The following CTNNA3 variants were observed in gnomAD, a reference collection of about 807,000 sequenced individuals.
CTNNA3 encodes catenin alpha 3.
CTNNA3 carries 76 observed loss-of-function variants against 95.7 expected under a neutral mutation model. The ratio of observed to expected loss-of-function variants is 0.79; its 90% CI spans 0.66 to 0.96. The LOEUF (loss-of-function observed/expected upper bound fraction) is 0.96. CTNNA3 is among the 40% of genes least tolerant of loss of function. The pLI, the probability that CTNNA3 is intolerant of heterozygous loss-of-function variation, is 0.00. For missense variants in CTNNA3, 1,191 were observed against 1,089.8 expected, an observed-to-expected ratio of 1.09 and a Z score of -1.31; for synonymous variants, 431 against 374.4, an observed-to-expected ratio of 1.15 and a Z score of -1.74.
At chr10:67,710,493 G>A (rs778702080) in intron 1 of CTNNA3, among the ~76,000 whole-genome samples, 4 of 152,256 alleles carry the variant, frequency 2.6e-5, no homozygotes, top group Non-Finnish European at 2.9e-5. Context: ...AGGGGAGAAC[G>A]TCCCTTTTCT....
At chr10:66,212,973 G>A (rs1307302027) in intron 13 of CTNNA3, among the ~76,000 whole-genome samples, 1 of 152,148 alleles carries the variant, frequency 6.6e-6, no homozygotes, top group African/African-American at 2.4e-5. Context: ...CCAAGATCAT[G>A]CCACTGCACT....
At chr10:67,452,369 A>G (rs1442385242) in intron 5 of CTNNA3, among the ~76,000 whole-genome samples, 3 of 152,182 alleles carry the variant, frequency 2.0e-5, no homozygotes, top group African/African-American at 7.2e-5. Flanking sequence ...ATATTTAAAA[A>G]GTTTGTATAT....
intron 13 of CTNNA3, among the ~76,000 whole-genome samples, chr10:66,253,427 A>G (rs2090636740): frequency 6.6e-6 from 1 of 151,988 alleles, no homozygotes; most frequent in Non-Finnish European, 1.5e-5. Context: ...ATTTTACTAT[A>G]CCACAAGCTT....
At chr10:66,356,900 G>T (rs572678893) in intron 12 of CTNNA3, among the ~76,000 whole-genome samples, 9 of 151,946 alleles carry the variant, frequency 5.9e-5, no homozygotes, top group South Asian at 2.1e-4. Context: ...TGTTAATATG[G>T]TGGGTTGCAA....
At chr10:67,579,732 T>C (rs1440429129) in intron 3 of CTNNA3, among the ~76,000 whole-genome samples, 5 of 152,162 alleles carry the variant, frequency 3.3e-5, no homozygotes, top group Non-Finnish European at 5.9e-5. Flanking sequence ...CCTGACTTTT[T>C]AATGATCACC....
intron 9 of CTNNA3, among the ~76,000 whole-genome samples, chr10:66,765,113 T>C (rs4483480): frequency 0.52 from 78,745 of 151,986 alleles, 21,465 homozygotes; most frequent in East Asian, 0.72. Flanking sequence ...AGCAATCATG[T>C]ATTCATCCAC....
In CTNNA3 at chr10:67,082,641, C is replaced by T. The variant is rs370867252; in HGVS notation, c.1047+97676G>A. ...TGGCCCGCAGGAGAAAAAAGGAAAC[C>T]GTGCAGGAATTAGATAGGAATATGT... On this transcript the variant is annotated intron_variant, in intron 7 of 17. Coordinates refer to ENST00000433211, the MANE Select transcript of CTNNA3 (RefSeq NM_013266.4). 7.8e-4 allele frequency among the ~76,000 whole-genome samples: 119 copies of T among 152,222 alleles called. 1 individual carries two copies. Among genetic ancestry groups the T allele is most frequent in the Admixed American group, 3.3e-3 (50 of 15,296 alleles).
intron 3 of CTNNA3, among the ~76,000 whole-genome samples, chr10:67,550,703 A>AT (rs1840998300): frequency 6.7e-6 from 1 of 149,466 alleles, no homozygotes; most frequent in South Asian, 2.1e-4. Flanking sequence ...CTTTATTCAT[A>AT]GAATAAAGAA....
chr10:65,920,613 T>A lies in CTNNA3; in HGVS notation c.2405A>T (p.Asp802Val). Residue 802 changes from aspartate (D) to valine (V), a missense_variant, in exon 18 of 18, where the codon GAC (aspartate) becomes GTC (valine). Physicochemically the swap from Asp to Val is radical, Grantham distance 152. Transcript: ENST00000433211. ...LGGELIMSALDSVTSLIQAAK... is the reference protein window; with the variant it reads ...LGGELIMSALVSVTSLIQAAK... ...TGCTTGGATCAGGGATGTGACACTG[T>A]CCAACTGTAGGGAAAAAAGAGAAAA... is the stretch of plus-strand genomic sequence containing the variant. 1 of 1,607,356 alleles carries A rather than the reference T, an allele frequency of 6.2e-7. No individual in the cohort carries two copies. The highest frequency in any genetic ancestry group is 8.5e-7 in the Non-Finnish European group (1 of 1,175,198).
intron 5 of CTNNA3, among the ~76,000 whole-genome samples, chr10:67,351,206 G>T (rs1842625743): frequency 3.3e-5 from 5 of 151,740 alleles, no homozygotes; most frequent in Non-Finnish European, 7.4e-5. Context: ...AAAGGTATGG[G>T]GAAGATTTGA....
chr10:66,631,064 A>G (rs1845117913), intron 9 of CTNNA3, among the ~76,000 whole-genome samples: 1 of 152,184 alleles, frequency 6.6e-6, no homozygotes, highest in Non-Finnish European at 1.5e-5. Context: ...CTGTAGTAAG[A>G]GTGTTACATG....
In CTNNA3 at chr10:67,583,874, G is replaced by A. The variant is rs576909408; in HGVS notation, c.292+22983C>T. 2.4e-4 allele frequency among the ~76,000 whole-genome samples: 36 copies of A among 152,060 alleles called. No homozygotes were observed. The Middle Eastern group carries it at 0.014, about 57-fold the overall frequency. On this transcript the variant is annotated intron_variant, in intron 3 of 17. Transcript: ENST00000433211. ...ATCGGCTACTGAAGCTTGTGCATTC[G>A]TCACGTAGTTCTCGTGCCATGGTTT...
At chr10:67,149,612 G>T (rs1444490348) in intron 7 of CTNNA3, among the ~76,000 whole-genome samples, 1 of 151,926 alleles carries the variant, frequency 6.6e-6, no homozygotes, top group African/African-American at 2.4e-5. Flanking sequence ...TCAAAAGAAA[G>T]GTGGTAATAT....
At chr10:66,166,516 AAAG>A (rs1252230386) in intron 13 of CTNNA3, among the ~76,000 whole-genome samples, 65 of 142,672 alleles carry the variant, frequency 4.6e-4, no homozygotes, top group African/African-American at 1.7e-3. Context: ...AAAAAAAAAA[AAAG>A]AAGAAGTTTC....
chr10:66,057,206 A>G (rs541287281), intron 15 of CTNNA3, among the ~76,000 whole-genome samples: 90 of 152,254 alleles, frequency 5.9e-4, no homozygotes, highest in African/African-American at 2.0e-3. Flanking sequence ...TGAATAGTAA[A>G]GTCTGGATGA....
intron 15 of CTNNA3, among the ~76,000 whole-genome samples, chr10:66,009,324 C>A (rs1027157430): frequency 1.3e-5 from 2 of 152,030 alleles, no homozygotes; most frequent in African/African-American, 4.8e-5. Context: ...AAAATTAAAA[C>A]AATGGGTCGC....
At chr10:66,926,660 C>T in intron 7 of CTNNA3, 1 of 1,520,322 alleles carries the variant, frequency 6.6e-7, no homozygotes, top group South Asian at 1.1e-5. Flanking sequence ...TGTAATAATT[C>T]TGCCTTAATT....
At position 67,030,645 on chromosome 10, in the gene CTNNA3, T is replaced by C. The variant is rs368595416; in HGVS notation, c.1047+149672A>G. The stretch of plus-strand genomic sequence containing the variant: ...TTATGTAGATCAATATATTTGTTTA[T>C]CACCATTATTATTTCTCCATAGAGA... On this transcript the variant is annotated intron_variant, in intron 7 of 17. Transcript: ENST00000433211. Among the ~76,000 whole-genome samples, 11 of 152,286 alleles carry C rather than the reference T, an allele frequency of 7.2e-5. No homozygotes were observed. In the South Asian group the frequency reaches 2.3e-3, roughly 32 times the overall value.
intron 1 of CTNNA3, among the ~76,000 whole-genome samples, chr10:67,694,671 G>C (rs1357720445): frequency 1.3e-5 from 2 of 151,712 alleles, no homozygotes; most frequent in Non-Finnish European, 2.9e-5. Flanking sequence ...ATATTCTGTG[G>C]AAAATGTTTT....
Sources: gnomAD v4.1 joint callset for allele counts (sites outside exome capture counted in the v4.1 genomes callset) on GRCh38, gnomAD v4.1.1 for gene constraint, MANE v1.5 for transcripts, NCBI Gene and HGNC (gene_info 2026-07-23, HGNC 2026-07-21) for gene names.